CNTN4: variants seen among roughly 807,000 people sequenced by gnomAD.
CNTN4 encodes the protein contactin-4.
In CNTN4, 77 loss-of-function variants were observed where a neutral mutation model predicts 122.5. That is an observed-to-expected ratio of 0.63 (90% CI 0.52 to 0.76). The LOEUF (loss-of-function observed/expected upper bound fraction) is 0.76, where lower values mean the gene tolerates loss of function less well. CNTN4 is among the 30% of genes least tolerant of loss of function. CNTN4 has a pLI of 0.00. For missense variants in CNTN4, 1,256 were observed against 1,259.1 expected, an observed-to-expected ratio of 1.00 and a Z score of 0.04; for synonymous variants, 512 against 447.0, an observed-to-expected ratio of 1.15 and a Z score of -1.83.
chr3:2,731,996 C>A (rs980119296), intron 4 of CNTN4, among the ~76,000 whole-genome samples: 25 of 152,124 alleles, frequency 1.6e-4, no homozygotes, highest in African/African-American at 5.8e-4. Context: ...CAGTCCTAGG[C>A]CTTGACACAT....
chr3:2,404,302 T>G (rs1257443871), intron 3 of CNTN4, among the ~76,000 whole-genome samples: 1 of 152,168 alleles, frequency 6.6e-6, no homozygotes, highest in African/African-American at 2.4e-5. Flanking sequence ...TTCCCCTTCC[T>G]GGAGCTGGAG....
intron 4 of CNTN4, among the ~76,000 whole-genome samples, chr3:2,613,292 A>G (rs1315555557): frequency 2.6e-5 from 4 of 152,084 alleles, no homozygotes; most frequent in African/African-American, 9.7e-5. Context: ...CATTAGCAAA[A>G]ATGACATCAC....
chr3:2,180,500 G>C (rs1035650735), intron 2 of CNTN4, among the ~76,000 whole-genome samples: 1 of 151,950 alleles, frequency 6.6e-6, no homozygotes, highest in Non-Finnish European at 1.5e-5. Context: ...CTCATTGATA[G>C]GTCTAGTAAG....
chr3:2,702,975 C>T (rs902005788), intron 4 of CNTN4, among the ~76,000 whole-genome samples: 10 of 152,152 alleles, frequency 6.6e-5, no homozygotes, highest in Non-Finnish European at 1.5e-4. Context: ...TCTTGATATT[C>T]TCAGGAATGT....
At chr3:2,296,842 G>T (rs1444074817) in intron 2 of CNTN4, among the ~76,000 whole-genome samples, 3 of 149,786 alleles carry the variant, frequency 2.0e-5, no homozygotes, top group Non-Finnish European at 4.4e-5. Context: ...AAATTGGATT[G>T]TAACAGAAAA....
At chr3:2,626,220 A>T (rs867579803) in intron 4 of CNTN4, among the ~76,000 whole-genome samples, 1 of 152,160 alleles carries the variant, frequency 6.6e-6, no homozygotes, top group East Asian at 1.9e-4. Flanking sequence ...TTATGATTGT[A>T]CTTTGTGTCT....
At chr3:2,377,346 A>G (rs867784877) in intron 3 of CNTN4, among the ~76,000 whole-genome samples, 2 of 152,172 alleles carry the variant, frequency 1.3e-5, no homozygotes, top group Non-Finnish European at 2.9e-5. Flanking sequence ...GTGCTTCATT[A>G]TACAAAGTAT....
intron 3 of CNTN4, among the ~76,000 whole-genome samples, chr3:2,387,600 AT>A (rs2046298663): frequency 2.0e-5 from 3 of 152,144 alleles, no homozygotes; most frequent in Admixed American, 2.0e-4. Context: ...CATTTGAAAA[AT>A]ATAAAAATTA....
rs185832896 is a variant in CNTN4, at chr3:2,505,265, C to T, written c.-88-66151C>T. Among the ~76,000 whole-genome samples the T allele has an allele frequency of 9.9e-5, 15 of 152,202 alleles. No homozygotes were observed. The East Asian group carries it at 2.3e-3, about 23-fold the overall frequency. ...AGAGAGAGAAGGAAGGAGGGAAGAT[C>T]GGAGGCAGAGAGTAAAAACAGAAAG... On this transcript the variant is annotated intron_variant, in intron 3 of 24. Transcript: ENST00000418658.
chr3:2,228,426 C>A (rs1466885406), intron 2 of CNTN4, among the ~76,000 whole-genome samples: 1 of 152,100 alleles, frequency 6.6e-6, no homozygotes, highest in Non-Finnish European at 1.5e-5. Flanking sequence ...TACACTACAA[C>A]AGTAGAGGTA....
rs140874586 is a variant in CNTN4, at chr3:2,760,188, C to A, written c.358+14491C>A. 4.3e-3 allele frequency among the ~76,000 whole-genome samples: 660 copies of A among 152,170 alleles called. 2 individuals are homozygous for A. Among genetic ancestry groups the A allele is most frequent in the African/African-American group, 0.015 (620 of 41,510 alleles). ...ACAGAAGTTTTAATTTTGGTAAAAT[C>A]TAATTTATTTTTTTCTTTTGTTGCA... On this transcript the variant is annotated intron_variant, in intron 6 of 24. Transcript: ENST00000418658.
intron 7 of CNTN4, among the ~76,000 whole-genome samples, chr3:2,823,216 C>T (rs938604119): frequency 1.3e-5 from 2 of 152,168 alleles, no homozygotes; most frequent in Admixed American, 6.5e-5. Flanking sequence ...AGCATATGGT[C>T]TCCTGGTTTC....
chr3:2,611,688 G>A (rs1401564007), intron 4 of CNTN4, among the ~76,000 whole-genome samples: 2 of 152,124 alleles, frequency 1.3e-5, no homozygotes, highest in African/African-American at 4.8e-5. Context: ...GAACCTGCAA[G>A]TGTCAATGGA....
At chr3:2,551,736 A>C (rs954208449) in intron 3 of CNTN4, among the ~76,000 whole-genome samples, 1 of 152,170 alleles carries the variant, frequency 6.6e-6, no homozygotes, top group African/African-American at 2.4e-5. Flanking sequence ...GTTTATCATC[A>C]ATGCTTTTAT....
chr3:2,347,013 T>G (rs1037353481), intron 3 of CNTN4, among the ~76,000 whole-genome samples: 1 of 151,866 alleles, frequency 6.6e-6, no homozygotes, highest in Non-Finnish European at 1.5e-5. Context: ...CCTTTCACTT[T>G]TTTCTTTATG....
At chr3:2,519,021 A>G (rs1200364996) in intron 3 of CNTN4, among the ~76,000 whole-genome samples, 3 of 152,206 alleles carry the variant, frequency 2.0e-5, no homozygotes, top group Non-Finnish European at 4.4e-5. Flanking sequence ...AGTTATTTTA[A>G]CAAGATCTGT....
At chr3:2,557,677 T>C (rs1397398437) in intron 3 of CNTN4, among the ~76,000 whole-genome samples, 1 of 149,880 alleles carries the variant, frequency 6.7e-6, no homozygotes, top group African/African-American at 2.5e-5. Flanking sequence ...TGCAGTGAGC[T>C]GAGATTCCAC....
chr3:2,328,436 C>A (rs1298894628), intron 2 of CNTN4, among the ~76,000 whole-genome samples: 1 of 152,166 alleles, frequency 6.6e-6, no homozygotes, highest in Non-Finnish European at 1.5e-5. Context: ...ACACAGTTTT[C>A]CCCAGGTCTT....
chr3:2,920,926 A>G (rs2094423080), intron 12 of CNTN4, among the ~76,000 whole-genome samples: 1 of 152,226 alleles, frequency 6.6e-6, no homozygotes, highest in Non-Finnish European at 1.5e-5. Context: ...CAATAGAAGG[A>G]TGGATATTAG....
Sources: allele counts gnomAD v4.1 joint callset (sites outside exome capture counted in the v4.1 genomes callset), GRCh38; gene constraint gnomAD v4.1.1; transcripts MANE v1.5; gene names NCBI Gene and HGNC (gene_info 2026-07-23, HGNC 2026-07-21).